Variants in CFAP61 observed in about 807,000 individuals in gnomAD.
CFAP61 encodes cilia- and flagella-associated protein 61.
CFAP61 carries 107 observed loss-of-function variants against 135.6 expected under a neutral mutation model. The ratio of observed to expected loss-of-function variants is 0.79; its 90% confidence interval spans 0.67 to 0.93. The LOEUF (loss-of-function observed/expected upper bound fraction) is 0.93. CFAP61 is among the 40% of genes least tolerant of loss of function. The probability of loss-of-function intolerance (pLI) is 0.00; values close to 1 mark genes in which losing one functional copy is unlikely to be tolerated. For missense variants in CFAP61, 1,507 were observed against 1,556.2 expected (o/e 0.97, Z 0.53); for synonymous variants, 575 against 578.5 (o/e 0.99, Z 0.09).
chr20:20,298,033 A>T, intron 24 of CFAP61, 148 bp from the exon 25 acceptor site: 4 of 612,064 alleles, frequency 6.5e-6, no homozygotes, highest in Non-Finnish European at 1.2e-5. Context: ...CCTTCTGCCG[A>T]GTTTAGTCAA....
rs985858427 is a variant in CFAP61, at chr20:20,190,188, T to C, written c.1513-1154T>C. Among the ~76,000 whole-genome samples, 4 of 152,256 alleles carry C rather than the reference T, an allele frequency of 2.6e-5. No homozygotes were observed. In the East Asian group the frequency reaches 7.7e-4, roughly 29 times the overall value. On this transcript the variant is annotated intron_variant, in intron 14 of 26. Coordinates refer to ENST00000245957, the MANE Select transcript of CFAP61 (RefSeq NM_015585.4). The stretch of plus-strand genomic sequence containing the variant: ...AATGAAGAGTTTACACTAATGTTCA[T>C]AGCAGCTATTGTCAGCAAAGATATC...
intron 17 of CFAP61, among the ~76,000 whole-genome samples, chr20:20,204,151 C>T (rs568491149): frequency 1.2e-4 from 19 of 152,256 alleles, no homozygotes; most frequent in African/African-American, 4.3e-4. Context: ...AGCGTGAACT[C>T]ACCTCTCTCT....
At chr20:20,211,093 A>G (rs945451052) in intron 17 of CFAP61, among the ~76,000 whole-genome samples, 5 of 152,264 alleles carry the variant, frequency 3.3e-5, no homozygotes, top group African/African-American at 1.2e-4. Context: ...TCCACAGTTT[A>G]GTAATTTTCC....
intron 11 of CFAP61, among the ~76,000 whole-genome samples, chr20:20,165,707 C>G (rs2064447): frequency 0.9 from 136,863 of 152,124 alleles, 62,389 homozygotes; most frequent in Middle Eastern, 0.99. Context: ...TTTAGATGAG[C>G]AAGAATAGCT....
intron 12 of CFAP61, 72 bp from the exon 13 acceptor site, chr20:20,169,249 T>G: frequency 6.9e-7 from 1 of 1,442,794 alleles, no homozygotes; most frequent in East Asian, 2.3e-5. Context: ...TTCTTGGTGT[T>G]TTTTAGAGGA....
intron 17 of CFAP61, 139 bp from the exon 18 acceptor site, chr20:20,228,110 G>T: frequency 1.7e-6 from 1 of 586,212 alleles, no homozygotes; most frequent in Non-Finnish European, 2.8e-6. Flanking sequence ...GCATTTTATG[G>T]TGGCTGTACA....
At chr20:20,152,259 C>A (rs1186673052) in intron 9 of CFAP61, among the ~76,000 whole-genome samples, 1 of 151,886 alleles carries the variant, frequency 6.6e-6, no homozygotes, top group African/African-American at 2.4e-5. Context: ...GAAAATAGAA[C>A]CTCCATAAGC....
chr20:20,223,974 C>A (rs1009301924), intron 17 of CFAP61, among the ~76,000 whole-genome samples: 2 of 152,286 alleles, frequency 1.3e-5, no homozygotes, highest in Admixed American at 6.5e-5. Flanking sequence ...ATTATGTCAA[C>A]ACCCTTTAAA....
chr20:20,143,136 A>G (rs1477092879), intron 9 of CFAP61, among the ~76,000 whole-genome samples, 188 bp downstream of exon 9: 2 of 152,332 alleles, frequency 1.3e-5, no homozygotes, highest in African/African-American at 4.8e-5. Context: ...TGTAACAGAC[A>G]AATCAAAGCC....
intron 20 of CFAP61, among the ~76,000 whole-genome samples, chr20:20,252,420 A>G (rs2051008948): frequency 6.6e-6 from 1 of 152,232 alleles, no homozygotes; most frequent in Non-Finnish European, 1.5e-5. Context: ...CAGTGACAAG[A>G]GGCTTACTCT....
At chr20:20,297,944 A>C (rs952864824) in intron 24 of CFAP61, among the ~76,000 whole-genome samples, 1 of 152,230 alleles carries the variant, frequency 6.6e-6, no homozygotes, top group Non-Finnish European at 1.5e-5. Context: ...CTAGTTTAGA[A>C]ACACAGAACA....
intron 25 of CFAP61, among the ~76,000 whole-genome samples, chr20:20,337,606 A>G (rs1228751981): frequency 3.7e-3 from 27 of 7,238 alleles, no homozygotes; most frequent in South Asian, 9.4e-3. Context: ...ATGGATGGAT[A>G]GATGGGTGGG....
intron 26 of CFAP61, among the ~76,000 whole-genome samples, chr20:20,353,168 G>A (rs1475726315): frequency 3.9e-5 from 6 of 152,240 alleles, no homozygotes; most frequent in South Asian, 2.1e-4. Flanking sequence ...AGTCATTCCC[G>A]GGCCACTGTC....
At chr20:20,075,075 C>A in intron 4 of CFAP61, 114 bp from the exon 5 acceptor site, 1 of 924,264 alleles carries the variant, frequency 1.1e-6, no homozygotes, top group African/African-American at 1.6e-5. Flanking sequence ...CAAAGGAGCC[C>A]ATGTGGATTT....
At chr20:20,133,675 C>T (rs2050709162) in intron 8 of CFAP61, among the ~76,000 whole-genome samples, 1 of 152,200 alleles carries the variant, frequency 6.6e-6, no homozygotes. Context: ...CCTAAGGAGA[C>T]ACAAACTTCA....
At chr20:20,086,157 TTTTC>T (rs1296969178) in intron 6 of CFAP61, among the ~76,000 whole-genome samples, 3 of 151,952 alleles carry the variant, frequency 2.0e-5, no homozygotes, top group African/African-American at 7.3e-5. Context: ...TCTTTTTTTT[TTTTC>T]TTTCAAATTT....
At chr20:20,110,127 C>T (rs889833249) in intron 8 of CFAP61, among the ~76,000 whole-genome samples, 4 of 151,902 alleles carry the variant, frequency 2.6e-5, no homozygotes, top group Admixed American at 6.6e-5. Flanking sequence ...AGGCTGGTCT[C>T]GAACTCCTAA....
chr20:20,284,955 A>G (rs989347848), intron 22 of CFAP61, among the ~76,000 whole-genome samples: 1 of 152,216 alleles, frequency 6.6e-6, no homozygotes, highest in Non-Finnish European at 1.5e-5. Context: ...TGAGCTTCAG[A>G]GCATTTATTG....
chr20:20,273,041 A>ATT (rs998055743), intron 21 of CFAP61, among the ~76,000 whole-genome samples: 13,149 of 127,306 alleles, frequency 0.1, 943 homozygotes, highest in Non-Finnish European at 0.12. Flanking sequence ...GCCATGCTTA[A>ATT]TTTTTTTTTT....
Sources: gnomAD v4.1 joint callset for allele counts (sites outside exome capture counted in the v4.1 genomes callset) on GRCh38, gnomAD v4.1.1 for gene constraint, MANE v1.5 for transcripts, NCBI Gene and HGNC (gene_info 2026-07-23, HGNC 2026-07-21) for gene names.